Variants in EDEM2 observed in about 807,000 individuals in gnomAD.
EDEM2 encodes the protein ER degradation enhancing alpha-mannosidase like protein 2, also known as ER degradation-enhancing alpha-mannosidase-like protein 2.
Under a neutral mutation model 64.8 loss-of-function variants are expected in EDEM2, and 39 were observed. That is an observed-to-expected ratio of 0.60 (90% confidence interval 0.47 to 0.79). The LOEUF is 0.79. Ranked by LOEUF, EDEM2 falls within the 30% of genes least tolerant of loss-of-function variation. The probability of loss-of-function intolerance (pLI) is 0.00; values close to 1 mark genes in which losing one functional copy is unlikely to be tolerated. For missense variants in EDEM2, 609 were observed against 731.3 expected (o/e 0.83, Z 1.93); for synonymous variants, 296 against 291.5 (o/e 1.02, Z -0.16).
intron 7 of EDEM2, among the ~76,000 whole-genome samples, chr20:35,126,777 T>C (rs7360542): frequency 6.6e-6 from 1 of 152,096 alleles, no homozygotes; most frequent in Non-Finnish European, 1.5e-5. Context: ...CCAGGTGTGG[T>C]GGTGCATGCC....
intron 4 of EDEM2, among the ~76,000 whole-genome samples, chr20:35,139,662 A>G (rs1287527736): frequency 2.0e-5 from 3 of 151,560 alleles, no homozygotes; most frequent in South Asian, 2.1e-4. Flanking sequence ...AAAAAAAAAA[A>G]AAAAGAAAAG....
At chr20:35,144,035 C>T (rs2146116951) in intron 3 of EDEM2, among the ~76,000 whole-genome samples, 1 of 151,842 alleles carries the variant, frequency 6.6e-6, no homozygotes, top group East Asian at 2.0e-4. Context: ...CACCCTCCTC[C>T]CTAACAAATG....
intron 9 of EDEM2, among the ~76,000 whole-genome samples, chr20:35,123,623 T>A (rs1268081421): frequency 6.6e-6 from 1 of 152,010 alleles, no homozygotes; most frequent in Non-Finnish European, 1.5e-5. Flanking sequence ...GAGCATGCAA[T>A]TTAGTTAGGA....
chr20:35,129,383 G>C (rs1368382314), intron 7 of EDEM2, among the ~76,000 whole-genome samples: 3 of 151,708 alleles, frequency 2.0e-5, no homozygotes, highest in South Asian at 4.2e-4. Flanking sequence ...CTCCAGCCTG[G>C]GCAACAGAGT....
At chr20:35,122,859 C>T (rs190365835) in intron 9 of EDEM2, among the ~76,000 whole-genome samples, 67 of 152,250 alleles carry the variant, frequency 4.4e-4, no homozygotes, top group South Asian at 2.9e-3. Flanking sequence ...GGCAGGATAA[C>T]CAGAAGGCCT....
chr20:35,145,056 A>T (rs1399110660), intron 2 of EDEM2, 38 bp from the exon 3 acceptor site: 1 of 1,611,066 alleles, frequency 6.2e-7, no homozygotes, highest in South Asian at 1.1e-5. Flanking sequence ...TTAGTAAGAA[A>T]ATCAAATACC....
intron 3 of EDEM2, among the ~76,000 whole-genome samples, chr20:35,144,378 G>A (rs1330462075): frequency 1.3e-5 from 2 of 152,128 alleles, no homozygotes; most frequent in Non-Finnish European, 2.9e-5. Context: ...TTGTCACCCA[G>A]GCTGGAGTGC....
Position 35,138,011 on chromosome 20 carries a change from G to C in EDEM2, c.365-6C>G, listed in dbSNP as rs1245991112. On this transcript the variant is annotated splice_region_variant and splice_polypyrimidine_tract_variant and intron_variant, in intron 4 of 10. Transcript: ENST00000374492. ...AGACAGGAGTCCTCCTACCACTACAGATGGCACAGAAAGCAAATGGCACAG... is the reference window on the plus strand; with the variant it reads ...AGACAGGAGTCCTCCTACCACTACACATGGCACAGAAAGCAAATGGCACAG... 1 of 1,613,670 alleles carries C rather than the reference G, an allele frequency of 6.2e-7. No individual in the cohort carries two copies.
chr20:35,117,082 C>G, intron 10 of EDEM2: 1 of 152,170 alleles, frequency 6.6e-6, no homozygotes, highest in East Asian at 1.9e-4. Context: ...TGAGCCACTG[C>G]GCTTGGCCAA....
chr20:35,138,023 AGCAAATG>A lies in EDEM2; in HGVS notation c.365-25_365-19del. On this transcript the variant is annotated intron_variant, in intron 4 of 10. Transcript: ENST00000374492. ...TCCTACCACTACAGATGGCACAGAA[AGCAAATG>A]GCACAGTCCAAAGGGAAAGACCAAG... 29 of 1,613,530 alleles carry A rather than the reference AGCAAATG, an allele frequency of 1.8e-5. No individual in the cohort carries two copies. The highest frequency in any genetic ancestry group is 2.5e-5 in the Non-Finnish European group (29 of 1,179,724).
At chr20:35,137,682 T>C (rs1042524542) in intron 5 of EDEM2, among the ~76,000 whole-genome samples, 198 bp downstream of exon 5, 3 of 152,166 alleles carry the variant, frequency 2.0e-5, no homozygotes, top group Non-Finnish European at 4.4e-5. Flanking sequence ...AACTCATCCA[T>C]CCGGGTCAGG....
At chr20:35,126,985 C>T (rs1273548729) in intron 7 of EDEM2, among the ~76,000 whole-genome samples, 1 of 152,126 alleles carries the variant, frequency 6.6e-6, no homozygotes, top group Non-Finnish European at 1.5e-5. Flanking sequence ...TGAATTGTAG[C>T]TCCCATATTT....
chr20:35,131,462 A>C (rs771659944), intron 7 of EDEM2, among the ~76,000 whole-genome samples, 180 bp downstream of exon 7: 6 of 152,130 alleles, frequency 3.9e-5, no homozygotes, highest in Non-Finnish European at 7.4e-5. Context: ...GCTACTCAGG[A>C]GGCTGAGGCA....
rs999104611 is a variant in EDEM2 at position 35,144,911 on chromosome 20, G to A, written c.258+68C>T. On this transcript the variant is annotated intron_variant, in intron 3 of 10. Coordinates refer to ENST00000374492, the MANE Select transcript of EDEM2 (RefSeq NM_018217.3). ...GAATTCATTTTTCACCCACAGTCAC[G>A]CTGCCAAAAGAGGAAGGATGTTGGT... The A allele has an allele frequency of 1.3e-4, 200 of 1,545,244 alleles. 1 individual carries two copies. Among genetic ancestry groups the A allele is most frequent in the Non-Finnish European group, 1.7e-4 (188 of 1,123,540 alleles).
At position 35,129,570 on chromosome 20, in the gene EDEM2, C is replaced by CA. The variant is rs202187228; in HGVS notation, c.844+2071dup. On this transcript the variant is annotated intron_variant, in intron 7 of 10. Coordinates refer to ENST00000374492, the MANE Select transcript of EDEM2 (RefSeq NM_018217.3). ...TGGGCAACAGAGCAAGACTCTATCT[C>CA]AAAAAAAAAAAAAAAATTTATTACT... Among the ~76,000 whole-genome samples, 487 of 106,888 alleles carry CA rather than the reference C, an allele frequency of 4.6e-3. 2 individuals carry two copies. Among genetic ancestry groups the CA allele is most frequent in the Middle Eastern group, 0.012 (2 of 162 alleles). The allele number at this position is 106,888 out of a possible 152,430, so 70.1% of individuals were successfully genotyped here.
chr20:35,142,152 G>A (rs577789830), intron 4 of EDEM2, among the ~76,000 whole-genome samples: 1 of 152,244 alleles, frequency 6.6e-6, no homozygotes, highest in Non-Finnish European at 1.5e-5. Context: ...TTTCTTTCCA[G>A]TCTCTTAGTC....
intron 9 of EDEM2, among the ~76,000 whole-genome samples, chr20:35,122,811 C>G (rs1482757056): frequency 6.6e-6 from 1 of 152,182 alleles, no homozygotes; most frequent in African/African-American, 2.4e-5. Flanking sequence ...CTACGATAAT[C>G]ACTTGAGTTA....
intron 6 of EDEM2, among the ~76,000 whole-genome samples, chr20:35,132,064 C>T (rs1417594794): frequency 6.6e-6 from 1 of 152,138 alleles, no homozygotes; most frequent in Non-Finnish European, 1.5e-5. Context: ...TTATGTCCTG[C>T]CTAGAGTGAG....
intron 7 of EDEM2, among the ~76,000 whole-genome samples, chr20:35,128,683 T>C (rs1446303976): frequency 6.6e-6 from 1 of 150,470 alleles, no homozygotes; most frequent in Non-Finnish European, 1.5e-5. Flanking sequence ...CCCAAAGACC[T>C]TCTAGCAGGA....
Sources: gnomAD v4.1 joint callset for allele counts (sites outside exome capture counted in the v4.1 genomes callset) on GRCh38, gnomAD v4.1.1 for gene constraint, MANE v1.5 for transcripts, NCBI Gene and HGNC (gene_info 2026-07-23, HGNC 2026-07-21) for gene names.